The following ZNF600 variants were observed in gnomAD, a reference collection of about 807,000 sequenced individuals.
The protein encoded by ZNF600 is zinc finger protein 600, also known as zinc finger protein KR-ZNF1.
ZNF600 carries 4 observed loss-of-function variants against 7.3 expected under a neutral mutation model. That is an observed-to-expected ratio of 0.55 (90% CI 0.27 to 1.25). The LOEUF (loss-of-function observed/expected upper bound fraction) is 1.25, where lower values mean the gene tolerates loss of function less well. Ranked by LOEUF, ZNF600 falls within the 50% of genes most tolerant of loss-of-function variation. The probability of loss-of-function intolerance (pLI) is 0.12; values close to 1 mark genes in which losing one functional copy is unlikely to be tolerated. For missense variants in ZNF600, 911 were observed against 922.1 expected (o/e 0.99, Z 0.16); for synonymous variants, 290 against 308.9 (o/e 0.94, Z 0.64).
At chr19:52,769,077 G>C (rs1241539281) in intron 3 of ZNF600, among the ~76,000 whole-genome samples, 1 of 152,154 alleles carries the variant, frequency 6.6e-6, no homozygotes, top group East Asian at 1.9e-4. Context: ...CCAGCGTCTG[G>C]GAAGATGCCC....
exon 4 of ZNF600, chr19:52,765,388 C>T (rs1176866256): frequency 5.1e-5 from 45 of 881,462 alleles, no homozygotes; most frequent in Non-Finnish European, 7.6e-5. Context: ...TAGGATGAAG[C>T]TTGACTGAAG....
intron 3 of ZNF600, among the ~76,000 whole-genome samples, chr19:52,771,247 C>G (rs2062627867): frequency 6.6e-6 from 1 of 152,124 alleles, no homozygotes; most frequent in Non-Finnish European, 1.5e-5. Context: ...AAGGCTCTCA[C>G]CAGGAGCCAA....
the ZNF600 span, among the ~76,000 whole-genome samples, chr19:52,821,390 G>A: frequency 6.6e-6 from 1 of 152,084 alleles, no homozygotes; most frequent in African/African-American, 2.4e-5. Context: ...AGAAAGACCC[G>A]GGACGGGACC....
At chr19:52,824,699 C>A in the ZNF600 span, among the ~76,000 whole-genome samples, 1 of 152,068 alleles carries the variant, frequency 6.6e-6, no homozygotes, top group African/African-American at 2.4e-5. Flanking sequence ...TCTCAGGAAT[C>A]TCTAGCCAGT....
chr19:52,815,815 G>A, the ZNF600 span, among the ~76,000 whole-genome samples: 13 of 145,354 alleles, frequency 8.9e-5, 1 homozygote, highest in East Asian at 4.0e-4. Flanking sequence ...ACAGAGCGAG[G>A]CTCCATCTCA....
At chr19:52,815,101 T>TTA in the ZNF600 span, among the ~76,000 whole-genome samples, 11 of 139,922 alleles carry the variant, frequency 7.9e-5, 1 homozygote, top group Admixed American at 3.7e-4. Context: ...ATATATATAT[T>TTA]TATATATATA....
chr19:52,783,653 A>G (rs907201060), intron 1 of ZNF600, among the ~76,000 whole-genome samples: 9 of 152,072 alleles, frequency 5.9e-5, no homozygotes, highest in Middle Eastern at 3.4e-3. Context: ...GAGCCACTGC[A>G]CCTGGCCTCC....
chr19:52,803,701 G>A, the ZNF600 span, among the ~76,000 whole-genome samples: 7 of 152,162 alleles, frequency 4.6e-5, no homozygotes, highest in South Asian at 4.1e-4. Flanking sequence ...GCACGGTGGC[G>A]CATGCCTGTA....
chr19:52,799,360 TCTC>T, the ZNF600 span: 1 of 558,440 alleles, frequency 1.8e-6, no homozygotes, highest in Admixed American at 3.2e-5. Flanking sequence ...CTGTGTGGTT[TCTC>T]TTCAGCATGC....
At chr19:52,773,435 C>T (rs2062647118) in intron 3 of ZNF600, among the ~76,000 whole-genome samples, 1 of 152,156 alleles carries the variant, frequency 6.6e-6, no homozygotes, top group Non-Finnish European at 1.5e-5. Context: ...AGCATATACT[C>T]AACAATAATC....
At chr19:52,817,822 T>C in the ZNF600 span, 96 of 1,559,172 alleles carry the variant, frequency 6.2e-5, no homozygotes, top group Non-Finnish European at 7.7e-5. Flanking sequence ...AAGGAAGGCA[T>C]GGGTGAGGGT....
exon 1 of ZNF600, chr19:52,786,734 C>T: frequency 2.7e-6 from 1 of 370,496 alleles, no homozygotes; most frequent in Non-Finnish European, 5.7e-6. Flanking sequence ...AACTCACGCG[C>T]CGTGGTAGGA....
At chr19:52,802,754 G>A in the ZNF600 span, among the ~76,000 whole-genome samples, 4 of 139,238 alleles carry the variant, frequency 2.9e-5, no homozygotes, top group South Asian at 2.2e-4. Flanking sequence ...GAACAGGCAC[G>A]TTGTGACTTT....
chr19:52,775,320 G>T (rs1437822056), intron 2 of ZNF600, among the ~76,000 whole-genome samples: 1 of 152,076 alleles, frequency 6.6e-6, no homozygotes, highest in Non-Finnish European at 1.5e-5. Flanking sequence ...GGGAGACCAA[G>T]ACGGGCAGAT....
the ZNF600 span, among the ~76,000 whole-genome samples, chr19:52,793,766 A>ACC: frequency 7.6e-4 from 1 of 1,322 alleles, no homozygotes; most frequent in Non-Finnish European, 2.8e-3. Context: ...AAACTCTGCC[A>ACC]CACACACACA....
At chr19:52,816,001 TA>T in the ZNF600 span, among the ~76,000 whole-genome samples, 1 of 146,870 alleles carries the variant, frequency 6.8e-6, no homozygotes, top group Non-Finnish European at 1.5e-5. Flanking sequence ...GAATTTTTTT[TA>T]AAGTCTCATA....
chr19:52,786,069 C>T (rs1045121987), intron 1 of ZNF600, among the ~76,000 whole-genome samples: 1 of 152,122 alleles, frequency 6.6e-6, no homozygotes, highest in Non-Finnish European at 1.5e-5. Flanking sequence ...TCTCCTGATC[C>T]CTTTGGCCCA....
chr19:52,824,312 T>G, the ZNF600 span, among the ~76,000 whole-genome samples: 3 of 152,182 alleles, frequency 2.0e-5, no homozygotes, highest in Middle Eastern at 3.4e-3. Flanking sequence ...TGGCTGACAG[T>G]CTAACACAAC....
chr19:52,829,643 G>A, the ZNF600 span, among the ~76,000 whole-genome samples: 1 of 151,958 alleles, frequency 6.6e-6, no homozygotes, highest in Non-Finnish European at 1.5e-5. Context: ...CAAAGTACTG[G>A]GATTACAGGC....
Sources: allele counts gnomAD v4.1 joint callset (sites outside exome capture counted in the v4.1 genomes callset), GRCh38; gene constraint gnomAD v4.1.1; transcripts MANE v1.5; gene names NCBI Gene and HGNC (gene_info 2026-07-23, HGNC 2026-07-21).